Variants in DIP2B observed in about 807,000 individuals in gnomAD.
The protein encoded by DIP2B is DIP2 acetate--CoA ligase B (putative).
A neutral mutation model predicts 198.0 loss-of-function variants in DIP2B; 76 were observed. The observed-to-expected ratio is 0.38, with a 90% CI of 0.32 to 0.46. The LOEUF (loss-of-function observed/expected upper bound fraction) is 0.46, where lower values mean the gene tolerates loss of function less well. DIP2B is among the 20% of genes least tolerant of loss of function. The probability of loss-of-function intolerance (pLI) is 0.99; values close to 1 mark genes in which losing one functional copy is unlikely to be tolerated. For synonymous variants in DIP2B, 701 were observed against 739.1 expected (o/e 0.95, Z 0.84); for missense variants, 1,559 against 1,978.4 (o/e 0.79, Z 4.02).
At chr12:50,697,561 AGATAG>A (rs1939338237) in intron 17 of DIP2B, among the ~76,000 whole-genome samples, 1 of 16,202 alleles carries the variant, frequency 6.2e-5, no homozygotes, top group Admixed American at 5.5e-4. Flanking sequence ...TTTTTTTTTT[AGATAG>A]GATCTCTCTT....
intron 1 of DIP2B, among the ~76,000 whole-genome samples, chr12:50,539,352 G>A (rs1359324144): frequency 6.6e-6 from 1 of 151,682 alleles, no homozygotes; most frequent in East Asian, 1.9e-4. Flanking sequence ...CACAGGCCGG[G>A]TGTGGTGTAA....
At chr12:50,608,059 T>C (rs1305401516) in intron 1 of DIP2B, among the ~76,000 whole-genome samples, 1 of 152,124 alleles carries the variant, frequency 6.6e-6, no homozygotes, top group Non-Finnish European at 1.5e-5. Flanking sequence ...TCCCAAAATG[T>C]TGGGATTACA....
intron 35 of DIP2B, among the ~76,000 whole-genome samples, chr12:50,737,775 A>C (rs1393901749): frequency 6.6e-6 from 1 of 151,916 alleles, no homozygotes; most frequent in Non-Finnish European, 1.5e-5. Context: ...TTTAGTAGAG[A>C]TAGGGTTTTA....
intron 1 of DIP2B, among the ~76,000 whole-genome samples, chr12:50,610,494 T>C (rs1275752072): frequency 1.4e-5 from 2 of 141,944 alleles, no homozygotes; most frequent in African/African-American, 2.7e-5. Flanking sequence ...TTTAGTGATA[T>C]TGGAGATGTA....
chr12:50,549,376 A>G (rs944155473), intron 1 of DIP2B, among the ~76,000 whole-genome samples: 1 of 152,040 alleles, frequency 6.6e-6, no homozygotes, highest in African/African-American at 2.4e-5. Context: ...TAAAAATACG[A>G]AAAATAAGCC....
rs374986945 is a variant in DIP2B at position 50,634,366 on chromosome 12, AT to A, written c.173-6357del. 2.4e-4 allele frequency among the ~76,000 whole-genome samples: 37 copies of A among 152,354 alleles called. No homozygotes were observed. The East Asian group carries it at 6.5e-3, about 27-fold the overall frequency. On this transcript the variant is annotated intron_variant, in intron 2 of 37. Coordinates refer to ENST00000301180, the MANE Select transcript of DIP2B (RefSeq NM_173602.3). Reference sequence around the variant, plus strand: ...TTCCCTGTGCTGGTCCTGTGGTCTAATCTTTAAGATACTTTGGATACAAGTA... The same window carrying A: ...TTCCCTGTGCTGGTCCTGTGGTCTAACTTTAAGATACTTTGGATACAAGTA...
chr12:50,505,575 G>A (rs1957961023), intron 1 of DIP2B, among the ~76,000 whole-genome samples: 1 of 152,142 alleles, frequency 6.6e-6, no homozygotes, highest in Non-Finnish European at 1.5e-5. Context: ...TGGGGTGAGG[G>A]GTAGGGCTGC....
At position 50,728,529 on chromosome 12, in the gene DIP2B, C is replaced by T. The variant is rs1939978657; in HGVS notation, c.3511-19C>T. Reference sequence around the variant, plus strand: ...GTGGGATAACAGTCCCAGCCTGTTCCATTTTCCATACTTTCCAGATGTCCC... The same window carrying T: ...GTGGGATAACAGTCCCAGCCTGTTCTATTTTCCATACTTTCCAGATGTCCC... On this transcript the variant is annotated intron_variant, in intron 29 of 37. Coordinates refer to ENST00000301180, the MANE Select transcript of DIP2B (RefSeq NM_173602.3). 3 of 1,611,618 alleles carry T rather than the reference C, an allele frequency of 1.9e-6. No homozygotes were observed. The highest frequency in any genetic ancestry group is 2.5e-6 in the Non-Finnish European group (3 of 1,178,382).
intron 1 of DIP2B, among the ~76,000 whole-genome samples, chr12:50,560,578 AATAAAT>A (rs1047830331): frequency 2.0e-5 from 3 of 151,490 alleles, no homozygotes; most frequent in African/African-American, 7.3e-5. Context: ...AGCAAATAAA[AATAAAT>A]AAATAAAAAT....
chr12:50,644,424 G>C (rs765409554), intron 3 of DIP2B, among the ~76,000 whole-genome samples: 1 of 152,144 alleles, frequency 6.6e-6, no homozygotes, highest in African/African-American at 2.4e-5. Flanking sequence ...GGGAGTATTC[G>C]TATTACCTTA....
chr12:50,719,675 T>C (rs569476522), intron 25 of DIP2B, among the ~76,000 whole-genome samples: 1 of 151,776 alleles, frequency 6.6e-6, no homozygotes, highest in East Asian at 2.0e-4. Context: ...ACGCTGTCTC[T>C]ACTAAAAATA....
chr12:50,528,674 CT>C (rs1958189263), intron 1 of DIP2B, among the ~76,000 whole-genome samples: 1 of 152,020 alleles, frequency 6.6e-6, no homozygotes, highest in Non-Finnish European at 1.5e-5. Flanking sequence ...GGAAAGAGGG[CT>C]TAGAGTGAAC....
chr12:50,724,395 G>T (rs1346570317), intron 27 of DIP2B, among the ~76,000 whole-genome samples: 1 of 152,200 alleles, frequency 6.6e-6, no homozygotes, highest in African/African-American at 2.4e-5. Flanking sequence ...GACTGGGGCA[G>T]TCTCCTTCAA....
intron 1 of DIP2B, among the ~76,000 whole-genome samples, chr12:50,579,587 G>T (rs1249904774): frequency 7.9e-6 from 1 of 126,900 alleles, no homozygotes; most frequent in African/African-American, 3.0e-5. Flanking sequence ...ACTCCAGCCT[G>T]GGTGATAGAG....
chr12:50,679,066 A>G, intron 8 of DIP2B, 190 bp downstream of exon 8: 1 of 636,538 alleles, frequency 1.6e-6, no homozygotes, highest in Non-Finnish European at 2.6e-6. Flanking sequence ...CAACATTTGC[A>G]AGCCAGCTAA....
intron 37 of DIP2B, among the ~76,000 whole-genome samples, chr12:50,742,370 C>G (rs181143201): frequency 6.9e-4 from 85 of 123,374 alleles, no homozygotes; most frequent in Non-Finnish European, 1.1e-3. Flanking sequence ...GCACTCCAGC[C>G]CTGGTGACAG....
intron 1 of DIP2B, among the ~76,000 whole-genome samples, chr12:50,582,601 G>A (rs909243733): frequency 6.6e-6 from 1 of 151,878 alleles, no homozygotes; most frequent in Non-Finnish European, 1.5e-5. Context: ...CCTTTTTAAC[G>A]GAGATTTTCA....
At chr12:50,611,957 A>G (rs181295939) in intron 1 of DIP2B, among the ~76,000 whole-genome samples, 10 of 152,024 alleles carry the variant, frequency 6.6e-5, no homozygotes, top group Non-Finnish European at 1.3e-4. Flanking sequence ...CCAGGACTTT[A>G]AGAAGCCAAG....
intron 1 of DIP2B, among the ~76,000 whole-genome samples, chr12:50,532,989 CT>C (rs1958232119): frequency 6.6e-6 from 1 of 152,230 alleles, no homozygotes; most frequent in South Asian, 2.1e-4. Context: ...CAGGAAACTG[CT>C]TTCCCAACTT....
Sources: allele counts gnomAD v4.1 joint callset (sites outside exome capture counted in the v4.1 genomes callset), GRCh38; gene constraint gnomAD v4.1.1; transcripts MANE v1.5; gene names NCBI Gene and HGNC (gene_info 2026-07-23, HGNC 2026-07-21).